The following PHF14 variants were observed in gnomAD, a reference collection of about 807,000 sequenced individuals.
The protein encoded by PHF14 is PHD finger protein 14.
In PHF14, 55 loss-of-function variants were observed where a neutral mutation model predicts 117.9. That is an observed-to-expected ratio of 0.47 (90% CI 0.38 to 0.58). The LOEUF (loss-of-function observed/expected upper bound fraction) is 0.58. Ranked by LOEUF, PHF14 falls within the 20% of genes least tolerant of loss-of-function variation. The pLI, the probability that PHF14 is intolerant of heterozygous loss-of-function variation, is 0.00. For synonymous variants in PHF14, 409 were observed against 368.6 expected, an observed-to-expected ratio of 1.11 and a Z score of -1.26; for missense variants, 978 against 1,122.2, an observed-to-expected ratio of 0.87 and a Z score of 1.84.
chr7:11,121,556 A>G (rs887945151), intron 17 of PHF14, among the ~76,000 whole-genome samples: 5 of 152,108 alleles, frequency 3.3e-5, no homozygotes, highest in Admixed American at 1.3e-4. Flanking sequence ...GTGAAAGGAA[A>G]TATCTTATGG....
At chr7:11,034,292 G>A (rs541791088) in intron 7 of PHF14, among the ~76,000 whole-genome samples, 10 of 151,896 alleles carry the variant, frequency 6.6e-5, no homozygotes, top group Admixed American at 5.2e-4. Context: ...GTTCCTTTTT[G>A]GGACAGACAT....
At chr7:11,102,413 T>G (rs1229423286) in intron 16 of PHF14, 8 of 1,539,018 alleles carry the variant, frequency 5.2e-6, no homozygotes, top group African/African-American at 1.4e-5. Context: ...GTTAGTATGT[T>G]TCATAAGACA....
chr7:11,155,078 C>T (rs1788803940), intron 17 of PHF14, among the ~76,000 whole-genome samples: 1 of 152,076 alleles, frequency 6.6e-6, no homozygotes. Flanking sequence ...AAAGTTAAGC[C>T]TAGAAAGAGG....
At chr7:11,071,270 G>A (rs1478103939) in intron 16 of PHF14, 2 of 518,522 alleles carry the variant, frequency 3.9e-6, no homozygotes, top group Non-Finnish European at 7.7e-6. Flanking sequence ...ATGTTCCCAA[G>A]TCCATGTTAC....
At chr7:11,043,760 T>C (rs1456234817) in intron 13 of PHF14, among the ~76,000 whole-genome samples, 1 of 152,144 alleles carries the variant, frequency 6.6e-6, no homozygotes, top group African/African-American at 2.4e-5. Context: ...TATTATGGTT[T>C]TTATGTGCTT....
intron 17 of PHF14, among the ~76,000 whole-genome samples, chr7:11,165,719 C>G (rs1789183730): frequency 6.6e-6 from 1 of 152,094 alleles, no homozygotes; most frequent in South Asian, 2.1e-4. Context: ...TAATTGGCAT[C>G]AATTATTTGA....
At chr7:11,029,006 G>A (rs1011834972) in intron 7 of PHF14, among the ~76,000 whole-genome samples, 188 bp downstream of exon 7, 4 of 151,972 alleles carry the variant, frequency 2.6e-5, no homozygotes, top group Non-Finnish European at 2.9e-5. Context: ...CTAGTCAGAC[G>A]TTCAGAAAAC....
At chr7:10,997,841 T>A (rs142366416) in intron 4 of PHF14, among the ~76,000 whole-genome samples, 21 of 152,332 alleles carry the variant, frequency 1.4e-4, no homozygotes, top group African/African-American at 4.6e-4. Flanking sequence ...AGAGTGCTAG[T>A]ATATTTTATA....
At chr7:11,104,888 A>G (rs1583469268) in intron 16 of PHF14, 1 of 976,452 alleles carries the variant, frequency 1.0e-6, no homozygotes, top group Non-Finnish European at 1.2e-6. Flanking sequence ...TTTTTAAAAC[A>G]TCGTTGTGTT....
At chr7:11,138,041 CTTT>C (rs34783802) in intron 17 of PHF14, among the ~76,000 whole-genome samples, 1 of 145,522 alleles carries the variant, frequency 6.9e-6, no homozygotes. Flanking sequence ...AAAAATACTT[CTTT>C]TTTTTTTTTT....
chr7:11,163,599 A>G (rs1378004685), intron 17 of PHF14, among the ~76,000 whole-genome samples: 1 of 152,204 alleles, frequency 6.6e-6, no homozygotes, highest in Non-Finnish European at 1.5e-5. Context: ...ACTATGAGGT[A>G]AATGCACCAT....
Position 11,036,432 on chromosome 7 carries a change from C to T in PHF14, c.1617C>T (p.Ala539=), listed in dbSNP as rs370774069. 1.2e-5 allele frequency: 20 copies of T among 1,611,322 alleles called. No homozygotes were observed. The Middle Eastern group carries it at 1.3e-3, about 106-fold the overall frequency. Residue 539 remains alanine (A), a synonymous_variant, in exon 9 of 18, where the codon GCC becomes GCT. Coordinates refer to ENST00000634607, the MANE Select transcript of PHF14 (RefSeq NM_001007157.2). ...TTCTTTTATAGGCAAGGATCAATGC[C>T]CGGCTTCAGCAGTATCGTGCCAAAG... is the stretch of plus-strand genomic sequence containing the variant. ...LSPEAQARIN[A]RLQQYRAKAE...
intron 17 of PHF14, among the ~76,000 whole-genome samples, chr7:11,141,044 A>G (rs1346571902): frequency 5.9e-5 from 9 of 152,108 alleles, no homozygotes; most frequent in Non-Finnish European, 1.0e-4. Context: ...TTGAATATCT[A>G]CTTCTCCACT....
intron 5 of PHF14, among the ~76,000 whole-genome samples, chr7:11,017,189 TAA>T (rs1160963414): frequency 1.3e-5 from 2 of 151,422 alleles, no homozygotes; most frequent in Non-Finnish European, 3.0e-5. Flanking sequence ...TTAGCTATTG[TAA>T]ACAGTGCTGC....
At chr7:11,108,979 T>G (rs2128343010) in intron 16 of PHF14, 1 of 151,882 alleles carries the variant, frequency 6.6e-6, no homozygotes, top group Non-Finnish European at 1.5e-5. Flanking sequence ...TGTTAATACT[T>G]CATCAAGAAC....
At chr7:11,090,212 A>G (rs1583456340) in intron 16 of PHF14, among the ~76,000 whole-genome samples, 1 of 152,230 alleles carries the variant, frequency 6.6e-6, no homozygotes, top group Admixed American at 6.5e-5. Flanking sequence ...CATGAAAGTA[A>G]TTCTTTAAGT....
At chr7:10,987,159 A>G (rs1023782365) in intron 3 of PHF14, among the ~76,000 whole-genome samples, 1 of 152,214 alleles carries the variant, frequency 6.6e-6, no homozygotes, top group African/African-American at 2.4e-5. Context: ...GCAAAATGAA[A>G]CAAATTGCTC....
chr7:11,000,122 A>G (rs1023081394), intron 4 of PHF14, among the ~76,000 whole-genome samples: 3 of 152,134 alleles, frequency 2.0e-5, no homozygotes, highest in Non-Finnish European at 2.9e-5. Flanking sequence ...TGTGAACTTT[A>G]TATATGTTCC....
At chr7:11,141,477 A>G (rs1168747452) in intron 17 of PHF14, among the ~76,000 whole-genome samples, 1 of 152,090 alleles carries the variant, frequency 6.6e-6, no homozygotes, top group Non-Finnish European at 1.5e-5. Context: ...AAGTATATAT[A>G]TCTCACAGTA....
Sources: gnomAD v4.1 joint callset for allele counts (sites outside exome capture counted in the v4.1 genomes callset) on GRCh38, gnomAD v4.1.1 for gene constraint, MANE v1.5 for transcripts, NCBI Gene and HGNC (gene_info 2026-07-23, HGNC 2026-07-21) for gene names.